Variants in TMEM45A observed in about 807,000 individuals in gnomAD.
The protein encoded by TMEM45A is transmembrane protein 45A.
TMEM45A carries 25 observed loss-of-function variants against 32.0 expected under a neutral mutation model. That is an observed-to-expected ratio of 0.78 (90% CI 0.57 to 1.09). The LOEUF is 1.09. Ranked by LOEUF, TMEM45A falls within the 50% of genes least tolerant of loss-of-function variation. The pLI, the probability that TMEM45A is intolerant of heterozygous loss-of-function variation, is 0.00. For synonymous variants in TMEM45A, 122 were observed against 114.8 expected, an observed-to-expected ratio of 1.06 and a Z score of -0.40; for missense variants, 302 against 325.0, an observed-to-expected ratio of 0.93 and a Z score of 0.54.
At chr3:100,549,814 C>T (rs12629511) in intron 1 of TMEM45A, among the ~76,000 whole-genome samples, 62,398 of 150,258 alleles carry the variant, frequency 0.42, 12,940 homozygotes, top group Middle Eastern at 0.49. Flanking sequence ...TGAGAATATG[C>T]GGTGTTTGGT....
intron 1 of TMEM45A, among the ~76,000 whole-genome samples, chr3:100,503,840 T>C (rs1708041240): frequency 6.6e-6 from 1 of 152,208 alleles, no homozygotes; most frequent in Admixed American, 6.5e-5. Flanking sequence ...GTTAAGTAAC[T>C]CATGCAAGGT....
intron 4 of TMEM45A, among the ~76,000 whole-genome samples, chr3:100,563,916 C>G (rs1434177994): frequency 6.6e-6 from 1 of 152,214 alleles, no homozygotes; most frequent in East Asian, 1.9e-4. Flanking sequence ...ATACCTCTAA[C>G]TTAATGACTG....
chr3:100,533,579 G>A (rs1442193290), intron 1 of TMEM45A, among the ~76,000 whole-genome samples: 2 of 152,086 alleles, frequency 1.3e-5, no homozygotes, highest in East Asian at 3.9e-4. Flanking sequence ...GAGCACTTCT[G>A]GAACCCATCA....
chr3:100,513,097 A>G (rs1025107739), intron 1 of TMEM45A, among the ~76,000 whole-genome samples: 3 of 149,698 alleles, frequency 2.0e-5, no homozygotes, highest in Non-Finnish European at 3.0e-5. Flanking sequence ...TCAATAGAAA[A>G]AGAGGGAATC....
chr3:100,537,643 A>G (rs1250943016), intron 1 of TMEM45A, among the ~76,000 whole-genome samples: 1 of 152,224 alleles, frequency 6.6e-6, no homozygotes, highest in Non-Finnish European at 1.5e-5. Context: ...GATGACAGGA[A>G]GAGGAGTAAA....
rs139914374 is a variant in TMEM45A at position 100,518,246 on chromosome 3, G to A, written c.-4+25318G>A. Among the ~76,000 whole-genome samples the A allele has an allele frequency of 1.2e-3, 179 of 152,300 alleles. 5 individuals are homozygous for A. In the South Asian group the frequency reaches 0.029, roughly 25 times the overall value. ...TTTCAGGTCGCTCAAGTGTTAACAG[G>A]AGTGAGAAATTAGAATCAAGGGCCC... On this transcript the variant is annotated intron_variant, in intron 1 of 5. Coordinates refer to ENST00000323523, the MANE Select transcript of TMEM45A (RefSeq NM_018004.3).
intron 1 of TMEM45A, among the ~76,000 whole-genome samples, chr3:100,536,960 C>T (rs948705294): frequency 2.0e-5 from 3 of 152,158 alleles, no homozygotes; most frequent in Non-Finnish European, 2.9e-5. Context: ...TTGCTGTTGT[C>T]GCCCAGGCCG....
At chr3:100,516,079 T>C (rs60272820) in intron 1 of TMEM45A, among the ~76,000 whole-genome samples, 43,589 of 152,014 alleles carry the variant, frequency 0.29, 8,022 homozygotes, top group African/African-American at 0.52. Context: ...ACACATTTTA[T>C]GCATGTAGCC....
rs550441022 is a variant in TMEM45A, at chr3:100,548,047, G to A, written c.-3-7162G>A. Among the ~76,000 whole-genome samples, 94 of 152,274 alleles carry A rather than the reference G, an allele frequency of 6.2e-4. 1 individual carries two copies. The highest frequency in any genetic ancestry group is 2.0e-3 in the African/African-American group (84 of 41,564). Reference sequence around the variant, plus strand: ...GTTATTTAAACATTGAGAGGGGTTGGTAGTGGGAACAATAGGCAGAGGTAC... The same window carrying A: ...GTTATTTAAACATTGAGAGGGGTTGATAGTGGGAACAATAGGCAGAGGTAC... On this transcript the variant is annotated intron_variant, in intron 1 of 5. Coordinates refer to ENST00000323523, the MANE Select transcript of TMEM45A (RefSeq NM_018004.3).
intron 1 of TMEM45A, among the ~76,000 whole-genome samples, chr3:100,529,488 T>G (rs1032914253): frequency 6.6e-6 from 1 of 152,106 alleles, no homozygotes; most frequent in Non-Finnish European, 1.5e-5. Context: ...TGTGGGGGCA[T>G]AGTGGGAACA....
At chr3:100,560,107 A>G (rs570934571) in intron 4 of TMEM45A, among the ~76,000 whole-genome samples, 5 of 152,090 alleles carry the variant, frequency 3.3e-5, no homozygotes, top group Non-Finnish European at 7.4e-5. Context: ...TTTTTTATAT[A>G]TTCTATATTC....
At position 100,513,025 on chromosome 3, in the gene TMEM45A, CA is replaced by C. The variant is rs1708193841; in HGVS notation, c.-4+20098del. Among the ~76,000 whole-genome samples, 3 of 149,528 alleles carry C rather than the reference CA, an allele frequency of 2.0e-5. No individual in the cohort carries two copies. The South Asian group carries it at 6.4e-4, about 32-fold the overall frequency. On this transcript the variant is annotated intron_variant, in intron 1 of 5. Transcript: ENST00000323523. The stretch of plus-strand genomic sequence containing the variant: ...AAGAGTCCAGGACCAGATGGATTCA[CA>C]GCCGAATTCTACCAGAGGTACAAGG...
chr3:100,572,703 AG>A (rs1706591419), intron 5 of TMEM45A: 1 of 151,918 alleles, frequency 6.6e-6, no homozygotes, highest in Admixed American at 6.6e-5. Context: ...GGTATTGCCT[AG>A]GTTTTCTTCT....
intron 5 of TMEM45A, among the ~76,000 whole-genome samples, chr3:100,570,399 T>A (rs1218353851): frequency 1.3e-5 from 2 of 152,248 alleles, no homozygotes; most frequent in Non-Finnish European, 2.9e-5. Flanking sequence ...CATTCCTTTG[T>A]CTAGCTCTCA....
At chr3:100,562,229 T>C (rs186585848) in intron 4 of TMEM45A, among the ~76,000 whole-genome samples, 4 of 152,334 alleles carry the variant, frequency 2.6e-5, no homozygotes, top group African/African-American at 9.6e-5. Flanking sequence ...GAGGTTTTTT[T>C]TTGGAATTTT....
chr3:100,501,094 TA>T (rs1163904434), intron 1 of TMEM45A, among the ~76,000 whole-genome samples: 12 of 152,356 alleles, frequency 7.9e-5, no homozygotes, highest in Admixed American at 7.8e-4. Flanking sequence ...ACGATATGCT[TA>T]AGGAAATTGA....
At chr3:100,565,910 C>T (rs1381832719) in intron 4 of TMEM45A, among the ~76,000 whole-genome samples, 3 of 152,150 alleles carry the variant, frequency 2.0e-5, no homozygotes, top group African/African-American at 7.2e-5. Flanking sequence ...AAACCTTGGG[C>T]CCATAAAATA....
In TMEM45A at chr3:100,577,116, G is replaced by T; in HGVS notation, c.*98G>T. 1.1e-6 allele frequency: 1 copy of T among 947,684 alleles called. No homozygotes were observed. Among genetic ancestry groups the T allele is most frequent in the Admixed American group, 2.2e-5 (1 of 45,038 alleles). The allele number at this position is 947,684 out of a possible 1,614,324, so 58.7% of individuals were successfully genotyped here. Reference sequence around the variant, plus strand: ...TTTTGTTTGGAGAACAGCTGGCTAAGGATGACTCTAAGTGTACTGTTTGCA... The same window carrying T: ...TTTTGTTTGGAGAACAGCTGGCTAATGATGACTCTAAGTGTACTGTTTGCA... On this transcript the variant is annotated 3_prime_UTR_variant, in exon 6 of 6. Transcript: ENST00000323523.
intron 1 of TMEM45A, chr3:100,519,605 A>G: frequency 6.4e-7 from 1 of 1,551,010 alleles, no homozygotes; most frequent in Non-Finnish European, 8.7e-7. Context: ...TTAAACACCC[A>G]AAGGTTAGTT....
Sources: allele counts gnomAD v4.1 joint callset (sites outside exome capture counted in the v4.1 genomes callset), GRCh38; gene constraint gnomAD v4.1.1; transcripts MANE v1.5; gene names NCBI Gene and HGNC (gene_info 2026-07-23, HGNC 2026-07-21).